GFRA1: variants seen among roughly 807,000 people sequenced by gnomAD.
GFRA1 encodes the protein GDNF family receptor alpha 1.
In GFRA1, 16 loss-of-function variants were observed where a neutral mutation model predicts 51.6. The ratio of observed to expected loss-of-function variants is 0.31; its 90% CI spans 0.21 to 0.47. The LOEUF (loss-of-function observed/expected upper bound fraction) is 0.47. GFRA1 is among the 20% of genes least tolerant of loss of function. The pLI, the probability that GFRA1 is intolerant of heterozygous loss-of-function variation, is 1.00. For synonymous variants in GFRA1, 270 were observed against 241.3 expected, an observed-to-expected ratio of 1.12 and a Z score of -1.10; for missense variants, 530 against 594.3, an observed-to-expected ratio of 0.89 and a Z score of 1.13.
At chr10:116,174,031 G>T (rs1276402599) in intron 5 of GFRA1, among the ~76,000 whole-genome samples, 4 of 151,988 alleles carry the variant, frequency 2.6e-5, no homozygotes, top group African/African-American at 9.7e-5. Flanking sequence ...GGTGAGCCAA[G>T]ATCGCACCAT....
chr10:116,120,071 T>C (rs941623990), intron 6 of GFRA1, among the ~76,000 whole-genome samples: 4 of 152,156 alleles, frequency 2.6e-5, no homozygotes, highest in African/African-American at 7.2e-5. Flanking sequence ...TGGGGAATGG[T>C]AGAACCATAT....
At chr10:116,227,216 C>T (rs906570116) in intron 4 of GFRA1, among the ~76,000 whole-genome samples, 2 of 152,160 alleles carry the variant, frequency 1.3e-5, no homozygotes, top group African/African-American at 4.8e-5. Context: ...CAGAAATGGA[C>T]CTTAGATGTG....
chr10:116,196,570 TATATATA>T lies in GFRA1; in HGVS notation c.433+15054_433+15060del, dbSNP rs200273410. On this transcript the variant is annotated intron_variant, in intron 5 of 10. Coordinates refer to ENST00000355422, the MANE Select transcript of GFRA1 (RefSeq NM_005264.8). Reference sequence around the variant, plus strand: ...ATATTTTTATATATACTATATATAATATATATAATATATAGTACTATATATAATATAT... The same window carrying T: ...ATATTTTTATATATACTATATATAATATATATAGTACTATATATAATATAT... Among the ~76,000 whole-genome samples the T allele has an allele frequency of 5.1e-3, 230 of 44,906 alleles. 6 individuals are homozygous for T. Among genetic ancestry groups the T allele is most frequent in the East Asian group, 0.014 (13 of 930 alleles). 29.5% of individuals were successfully genotyped at this position (44,906 alleles called of 152,430 possible).
At chr10:116,071,255 C>T (rs1346018291) in intron 9 of GFRA1, among the ~76,000 whole-genome samples, 1 of 152,174 alleles carries the variant, frequency 6.6e-6, no homozygotes, top group Non-Finnish European at 1.5e-5. Context: ...GTCTCCTCTA[C>T]CTGCTCCCCC....
intron 6 of GFRA1, among the ~76,000 whole-genome samples, chr10:116,099,399 C>A (rs1956729476): frequency 6.6e-6 from 1 of 152,210 alleles, no homozygotes; most frequent in African/African-American, 2.4e-5. Context: ...ACTGATAAAG[C>A]ATGCATCATG....
intron 5 of GFRA1, among the ~76,000 whole-genome samples, chr10:116,178,300 G>GAGGA (rs36018500): frequency 4.9e-5 from 2 of 41,202 alleles, no homozygotes; most frequent in East Asian, 8.6e-4. Flanking sequence ...ACAAGGGGCC[G>GAGGA]GGGGGGCGTT....
chr10:116,099,099 C>T (rs1433970743), intron 6 of GFRA1, among the ~76,000 whole-genome samples: 1 of 152,232 alleles, frequency 6.6e-6, no homozygotes, highest in Non-Finnish European at 1.5e-5. Context: ...AGACAGGATA[C>T]TCACATTATA....
intron 6 of GFRA1, among the ~76,000 whole-genome samples, chr10:116,117,559 G>GGATGGAT (rs1451676340): frequency 1.4e-5 from 2 of 143,076 alleles, no homozygotes; most frequent in Non-Finnish European, 3.0e-5. Flanking sequence ...GTGGGTGTGT[G>GGATGGAT]GATGGATGGA....
chr10:116,160,853 C>A (rs1345093973), intron 5 of GFRA1, among the ~76,000 whole-genome samples: 1 of 152,180 alleles, frequency 6.6e-6, no homozygotes, highest in Non-Finnish European at 1.5e-5. Context: ...GGTTCCTCAA[C>A]TACTTAGAAA....
chr10:116,255,682 T>G (rs752596394), intron 4 of GFRA1: 4 of 1,289,078 alleles, frequency 3.1e-6, no homozygotes, highest in Non-Finnish European at 2.0e-6. Context: ...GCCATCCCCT[T>G]CCAGAACTTT....
chr10:116,065,715 C>A, intron 9 of GFRA1, 89 bp from the exon 10 acceptor site: 1 of 980,124 alleles, frequency 1.0e-6, no homozygotes, highest in South Asian at 1.3e-5. Flanking sequence ...GGGCAATGCT[C>A]TCTGATAAAT....
chr10:116,170,144 C>T (rs1007929419), intron 5 of GFRA1, among the ~76,000 whole-genome samples: 13 of 152,198 alleles, frequency 8.5e-5, no homozygotes, highest in African/African-American at 3.1e-4. Context: ...TAATCAAAGG[C>T]CTCCATGAGC....
intron 5 of GFRA1, among the ~76,000 whole-genome samples, chr10:116,153,289 G>A (rs1296497566): frequency 6.6e-6 from 1 of 152,166 alleles, no homozygotes; most frequent in Non-Finnish European, 1.5e-5. Context: ...ATTTCCCAGA[G>A]CACCCAGGGT....
intron 4 of GFRA1, among the ~76,000 whole-genome samples, chr10:116,219,013 A>G (rs186861476): frequency 6.7e-6 from 1 of 148,458 alleles, no homozygotes; most frequent in East Asian, 2.0e-4. Flanking sequence ...AGAAAAAAAT[A>G]AAAAAAAAAG....
chr10:116,236,214 G>T (rs891522202), intron 4 of GFRA1, among the ~76,000 whole-genome samples: 17 of 152,234 alleles, frequency 1.1e-4, no homozygotes, highest in African/African-American at 3.9e-4. Flanking sequence ...TGGTGCCCAA[G>T]GGGGACCTGC....
At chr10:116,155,267 AG>A (rs1371490043) in intron 5 of GFRA1, among the ~76,000 whole-genome samples, 1 of 152,192 alleles carries the variant, frequency 6.6e-6, no homozygotes, top group Non-Finnish European at 1.5e-5. Context: ...TACTTCATCC[AG>A]TCTCTTGGGC....
chr10:116,219,794 C>T (rs1965800229), intron 4 of GFRA1, among the ~76,000 whole-genome samples: 1 of 152,190 alleles, frequency 6.6e-6, no homozygotes, highest in African/African-American at 2.4e-5. Context: ...CTGTGATTAG[C>T]AATGACGTAA....
Position 116,212,818 on chromosome 10 carries a change from G to A in GFRA1, c.419-1173C>T, listed in dbSNP as rs551074982. Among the ~76,000 whole-genome samples, 7 of 152,236 alleles carry A rather than the reference G, an allele frequency of 4.6e-5. No homozygotes were observed. The East Asian group carries it at 5.8e-4, about 13-fold the overall frequency. On this transcript the variant is annotated intron_variant, in intron 4 of 10. Transcript: ENST00000355422. ...TGCTGGACATTGGGTTGTTCTCCAC[G>A]TTTGGCAATTAGGAATTGTGATGAA... is the stretch of plus-strand genomic sequence containing the variant.
At chr10:116,084,592 C>T (rs1319864129) in intron 9 of GFRA1, among the ~76,000 whole-genome samples, 1 of 152,100 alleles carries the variant, frequency 6.6e-6, no homozygotes, top group Non-Finnish European at 1.5e-5. Context: ...GGCCTGAGTC[C>T]CAAGGCTATA....
Sources: gnomAD v4.1 joint callset for allele counts (sites outside exome capture counted in the v4.1 genomes callset) on GRCh38, gnomAD v4.1.1 for gene constraint, MANE v1.5 for transcripts, NCBI Gene and HGNC (gene_info 2026-07-23, HGNC 2026-07-21) for gene names.